The following TENM1 variants were observed in gnomAD, a reference collection of about 807,000 sequenced individuals.
TENM1 encodes teneurin transmembrane protein 1, also known as teneurin-1.
A neutral mutation model predicts 174.8 loss-of-function variants in TENM1; 35 were observed. The ratio of observed to expected loss-of-function variants is 0.20; its 90% CI spans 0.15 to 0.27. The LOEUF is 0.27. Ranked by LOEUF, TENM1 falls within the 10% of genes least tolerant of loss-of-function variation. The pLI, the probability that TENM1 is intolerant of heterozygous loss-of-function variation, is 1.00. For missense variants in TENM1, 1,633 were observed against 2,130.1 expected, an observed-to-expected ratio of 0.77 and a Z score of 4.59; for synonymous variants, 781 against 798.7, an observed-to-expected ratio of 0.98 and a Z score of 0.37.
chrX:124,693,672 A>G (rs765700741), intron 5 of TENM1, among the ~76,000 whole-genome samples: 2 of 110,648 alleles, frequency 1.8e-5, no homozygotes, highest in Admixed American at 9.6e-5. Context: ...AGCCTTTTTC[A>G]TATCTTCAAA....
intron 18 of TENM1, among the ~76,000 whole-genome samples, chrX:124,508,205 T>C (rs976042959): frequency 1.8e-5 from 2 of 112,315 alleles, no homozygotes; most frequent in African/African-American, 6.5e-5. Context: ...CCCTATTCTC[T>C]AGTGATTTAT....
chrX:124,408,139 A>T (rs1334457784), intron 25 of TENM1, among the ~76,000 whole-genome samples: 1 of 109,715 alleles, frequency 9.1e-6, no homozygotes, highest in Non-Finnish European at 1.9e-5. Flanking sequence ...AGCCTTTTTT[A>T]AAAAAAATTA....
the TENM1 span, among the ~76,000 whole-genome samples, chrX:125,001,722 A>G: frequency 2.7e-5 from 3 of 110,762 alleles, no homozygotes; most frequent in Admixed American, 1.9e-4. Context: ...TAATAGTCCA[A>G]TACACATTGG....
At chrX:124,735,090 C>G (rs2148546948) in intron 4 of TENM1, among the ~76,000 whole-genome samples, 1 of 112,171 alleles carries the variant, frequency 8.9e-6, no homozygotes, top group South Asian at 3.7e-4. Flanking sequence ...CAAAAATAGA[C>G]AAATTTGGCT....
At chrX:125,060,043 GCAA>G in the TENM1 span, among the ~76,000 whole-genome samples, 1 of 108,989 alleles carries the variant, frequency 9.2e-6, no homozygotes, top group African/African-American at 3.3e-5. Flanking sequence ...GACGCATGCT[GCAA>G]CATCAACTCT....
intron 1 of TENM1, among the ~76,000 whole-genome samples, chrX:124,960,720 T>C (rs905177420): frequency 5.4e-5 from 6 of 111,730 alleles, no homozygotes; most frequent in African/African-American, 2.0e-4. Context: ...ACTCACAATA[T>C]ATTAGGTCAA....
the TENM1 span, among the ~76,000 whole-genome samples, chrX:125,002,721 T>C: frequency 8.9e-6 from 1 of 111,824 alleles, no homozygotes; most frequent in African/African-American, 3.2e-5. Flanking sequence ...ATGTTTCATA[T>C]AGATTTAGGA....
chrX:124,648,661 C>T (rs2051221318), intron 8 of TENM1, among the ~76,000 whole-genome samples: 1 of 112,125 alleles, frequency 8.9e-6, no homozygotes, highest in Admixed American at 9.5e-5. Flanking sequence ...TTCTACTTAT[C>T]TAGCTTCCTT....
the TENM1 span, among the ~76,000 whole-genome samples, chrX:125,071,303 C>G: frequency 9.0e-6 from 1 of 111,691 alleles, no homozygotes; most frequent in African/African-American, 3.2e-5. Context: ...GACATGGTGA[C>G]TAAGCAAGCC....
At chrX:124,642,402 AC>A (rs2051041790) in intron 10 of TENM1, among the ~76,000 whole-genome samples, 1 of 112,367 alleles carries the variant, frequency 8.9e-6, no homozygotes, top group Non-Finnish European at 1.9e-5. Context: ...CCCAGAGAAG[AC>A]TTTTACTTGA....
the TENM1 span, among the ~76,000 whole-genome samples, chrX:125,185,049 C>T: frequency 9.2e-6 from 1 of 108,318 alleles, no homozygotes; most frequent in African/African-American, 3.6e-5. Flanking sequence ...TTGCTCAATA[C>T]CTGTTTATTG....
At chrX:124,777,289 A>C (rs1406996770) in intron 3 of TENM1, among the ~76,000 whole-genome samples, 1 of 111,403 alleles carries the variant, frequency 9.0e-6, no homozygotes, top group African/African-American at 3.3e-5. Flanking sequence ...TTTGAAAAAA[A>C]CGCCACTTAG....
At chrX:124,489,993 GC>G (rs1305411407) in intron 20 of TENM1, among the ~76,000 whole-genome samples, 1 of 111,276 alleles carries the variant, frequency 9.0e-6, no homozygotes, top group African/African-American at 3.3e-5. Context: ...TCTGTTCCTT[GC>G]CCTTATCACA....
upstream of TENM1, among the ~76,000 whole-genome samples, chrX:124,968,076 A>C (rs930162208): frequency 4.5e-5 from 5 of 112,355 alleles, no homozygotes; most frequent in Non-Finnish European, 9.4e-5. Flanking sequence ...TAGGTAAATA[A>C]AAATGGTTGC....
intron 18 of TENM1, among the ~76,000 whole-genome samples, chrX:124,519,761 T>G (rs2047798647): frequency 8.9e-6 from 1 of 111,921 alleles, no homozygotes; most frequent in African/African-American, 3.2e-5. Context: ...CCATCATTTC[T>G]TAAAACAGAC....
At chrX:124,859,577 T>C (rs1323992347) in intron 3 of TENM1, among the ~76,000 whole-genome samples, 1 of 108,501 alleles carries the variant, frequency 9.2e-6, no homozygotes, top group Admixed American at 9.8e-5. Flanking sequence ...AAAGTTTGAG[T>C]TTATTTCTTT....
At chrX:124,380,512 G>A in exon 32 of TENM1, 1 of 1,161,398 alleles carries the variant, frequency 8.6e-7, no homozygotes, top group Non-Finnish European at 1.2e-6. Flanking sequence ...AGTCTTTGGT[G>A]ACGCAAAGGC....
intron 23 of TENM1, among the ~76,000 whole-genome samples, chrX:124,443,141 T>C (rs1363772643): frequency 9.6e-6 from 1 of 103,963 alleles, no homozygotes; most frequent in African/African-American, 3.6e-5. Context: ...AACCCACTTG[T>C]ATAAAATTAA....
chrX:124,631,486 A>G (rs1417710202), intron 11 of TENM1, among the ~76,000 whole-genome samples: 5 of 111,564 alleles, frequency 4.5e-5, no homozygotes, highest in Non-Finnish European at 9.4e-5. Flanking sequence ...GAACTTCCAA[A>G]AGGATACCAA....
Sources: gnomAD v4.1 joint callset for allele counts (sites outside exome capture counted in the v4.1 genomes callset) on GRCh38, gnomAD v4.1.1 for gene constraint, MANE v1.5 for transcripts, NCBI Gene and HGNC (gene_info 2026-07-23, HGNC 2026-07-21) for gene names.